The following ADAM7 variants were observed in gnomAD, a reference collection of about 807,000 sequenced individuals.
ADAM7 encodes disintegrin and metalloproteinase domain-containing protein 7.
In ADAM7, 97 loss-of-function variants were observed where a neutral mutation model predicts 102.9. The ratio of observed to expected loss-of-function variants is 0.94; its 90% confidence interval spans 0.80 to 1.12. The LOEUF (loss-of-function observed/expected upper bound fraction) is 1.12. ADAM7 is among the 50% of genes most tolerant of loss of function. The pLI is 0.00. For missense variants in ADAM7, 991 were observed against 908.7 expected (o/e 1.09, Z -1.16); for synonymous variants, 334 against 304.4 (o/e 1.10, Z -1.01).
Position 24,482,198 on chromosome 8 carries a change from T to G in ADAM7, c.762T>G (p.His254Gln). 1.2e-6 allele frequency: 2 copies of G among 1,607,304 alleles called. No individual in the cohort carries two copies. The highest frequency in any genetic ancestry group is 1.7e-6 in the Non-Finnish European group (2 of 1,177,786). ...TGGTTGGCATTGAAATATGGACACA[T>G]GAAGATAAAATAGAACTATATTCAA... ...VTLVGIEIWT[H>Q]EDKIELYSNI... The change falls in exon 9 of 22, where the codon CAT (histidine) becomes CAG (glutamine). Residue 254 changes from histidine to glutamine, a missense_variant. Transcript: ENST00000175238.
intron 2 of ADAM7, among the ~76,000 whole-genome samples, chr8:24,445,629 C>A (rs1005586671): frequency 2.0e-5 from 3 of 152,178 alleles, no homozygotes; most frequent in Non-Finnish European, 2.9e-5. Context: ...GGCTATAGTA[C>A]TGAGTTTTGC....
intron 3 of ADAM7, among the ~76,000 whole-genome samples, chr8:24,448,883 G>A (rs928578340): frequency 1.3e-5 from 2 of 151,946 alleles, no homozygotes; most frequent in South Asian, 2.1e-4. Context: ...ATTCCCACCT[G>A]TGAGTGAGAA....
intron 9 of ADAM7, among the ~76,000 whole-genome samples, chr8:24,484,524 T>A (rs1041252152): frequency 6.6e-6 from 1 of 152,158 alleles, no homozygotes. Flanking sequence ...AGCTATCAAA[T>A]CCTACCTGAG....
chr8:24,494,056 C>A (rs1240952405), intron 16 of ADAM7, among the ~76,000 whole-genome samples: 4 of 151,988 alleles, frequency 2.6e-5, no homozygotes. Context: ...GATATTTTAC[C>A]CCTAAAATCA....
chr8:24,460,987 GTTTTA>G (rs890657536), intron 3 of ADAM7, among the ~76,000 whole-genome samples: 5 of 151,892 alleles, frequency 3.3e-5, no homozygotes, highest in African/African-American at 1.2e-4. Flanking sequence ...ATTCACTTCA[GTTTTA>G]TTTTATCTGT....
In ADAM7 at chr8:24,487,361, A is replaced by G. The variant is rs764810671; in HGVS notation, c.1091+44A>G. On this transcript the variant is annotated intron_variant, in intron 11 of 21. Transcript: ENST00000175238. ...ACAGAATACACTTACATAATTCAGA[A>G]GTGGGCTGGGCATGGTGGCTTATGC... The G allele has an allele frequency of 1.8e-5, 29 of 1,596,652 alleles. No homozygotes were observed. In the South Asian group the frequency reaches 3.1e-4, roughly 17 times the overall value.
chr8:24,449,677 G>T (rs866858968), intron 3 of ADAM7, among the ~76,000 whole-genome samples: 1,779 of 152,040 alleles, frequency 0.012, 34 homozygotes, highest in African/African-American at 0.04. Context: ...GTCAATTTTG[G>T]CTTTTGTTGC....
intron 3 of ADAM7, among the ~76,000 whole-genome samples, chr8:24,463,055 G>A (rs890570533): frequency 2.0e-5 from 3 of 152,018 alleles, no homozygotes; most frequent in Non-Finnish European, 2.9e-5. Flanking sequence ...ATATAGCCTC[G>A]AATGCTTATT....
At chr8:24,481,593 T>C (rs1819953630) in intron 8 of ADAM7, among the ~76,000 whole-genome samples, 1 of 152,192 alleles carries the variant, frequency 6.6e-6, no homozygotes, top group Non-Finnish European at 1.5e-5. Flanking sequence ...AGGTGTGAGG[T>C]TTATAGGCTA....
intron 3 of ADAM7, among the ~76,000 whole-genome samples, chr8:24,453,997 T>A (rs1015355105): frequency 2.0e-5 from 3 of 152,180 alleles, no homozygotes; most frequent in African/African-American, 7.2e-5. Context: ...TGCTGTCTGA[T>A]CATTCCTCTG....
chr8:24,451,496 AC>A (rs765546585), intron 3 of ADAM7, among the ~76,000 whole-genome samples: 9 of 151,712 alleles, frequency 5.9e-5, no homozygotes, highest in Non-Finnish European at 1.3e-4. Context: ...GGTGGTGATA[AC>A]CCCTTTATCA....
At chr8:24,451,416 G>T (rs1818784093) in intron 3 of ADAM7, among the ~76,000 whole-genome samples, 1 of 152,200 alleles carries the variant, frequency 6.6e-6, no homozygotes, top group Admixed American at 6.5e-5. Flanking sequence ...ATTTCTTCTA[G>T]ATTTTCTAGT....
In ADAM7 at chr8:24,501,520, G is replaced by A. The variant is rs779864401; in HGVS notation, c.2152G>A (p.Gly718Ser). 7 of 1,608,686 alleles carry A rather than the reference G, an allele frequency of 4.4e-6. No individual in the cohort carries two copies. Among genetic ancestry groups the A allele is most frequent in the Non-Finnish European group, 5.9e-6 (7 of 1,178,222 alleles). ...TLGVENKGYF[G>S]DEQQIRTEPI... is the part of the protein sequence containing the mutation. ...GGGAGTGGAGAACAAAGGATACTTT[G>A]GTGATGAGCAGCAGATAAGGACTGA... The change falls in exon 20 of 22, where the codon GGT becomes AGT. Residue 718 changes from glycine to serine, a missense_variant. By Grantham distance (56) the Gly-to-Ser change is moderately conservative. Coordinates refer to ENST00000175238, the MANE Select transcript of ADAM7 (RefSeq NM_003817.4).
intron 3 of ADAM7, among the ~76,000 whole-genome samples, chr8:24,454,485 C>G (rs1818927466): frequency 6.6e-6 from 1 of 152,186 alleles, no homozygotes; most frequent in African/African-American, 2.4e-5. Context: ...TCCTGGTGCG[C>G]CATTTTTTAA....
Position 24,441,171 on chromosome 8 carries a change from C to A in ADAM7, c.52+11C>A, listed in dbSNP as rs571617484. ...TTCCTCAGGTTAAAGGTATGTCTTG[C>A]TCTTTTTATCAGGACTTTCTTATTA... is the stretch of plus-strand genomic sequence containing the variant. On this transcript the variant is annotated intron_variant, in intron 1 of 21. Coordinates refer to ENST00000175238, the MANE Select transcript of ADAM7 (RefSeq NM_003817.4). 6.2e-7 allele frequency: 1 copy of A among 1,606,876 alleles called. No individual in the cohort carries two copies.
chr8:24,448,548 T>C (rs1299412921), intron 3 of ADAM7, among the ~76,000 whole-genome samples: 5 of 152,196 alleles, frequency 3.3e-5, no homozygotes, highest in Non-Finnish European at 7.3e-5. Context: ...TGGATGTTTT[T>C]GTAATACAGT....
intron 16 of ADAM7, among the ~76,000 whole-genome samples, chr8:24,494,906 C>G (rs1441889493): frequency 3.3e-5 from 5 of 152,206 alleles, no homozygotes; most frequent in African/African-American, 1.2e-4. Context: ...ATTCTATGGT[C>G]TGACTCCTCC....
At chr8:24,490,520 G>A (rs554236574) in intron 12 of ADAM7, 13 of 309,640 alleles carry the variant, frequency 4.2e-5, no homozygotes, top group African/African-American at 2.6e-4. Context: ...CAAGGAAATG[G>A]AGATAATTAG....
intron 3 of ADAM7, among the ~76,000 whole-genome samples, chr8:24,460,996 T>C (rs1425853953): frequency 3.3e-5 from 5 of 152,288 alleles, no homozygotes; most frequent in Middle Eastern, 3.4e-3. Flanking sequence ...AGTTTTATTT[T>C]ATCTGTAAGT....
Sources: allele counts gnomAD v4.1 joint callset (sites outside exome capture counted in the v4.1 genomes callset), GRCh38; gene constraint gnomAD v4.1.1; transcripts MANE v1.5; gene names NCBI Gene and HGNC (gene_info 2026-07-23, HGNC 2026-07-21).